The following SLC22A2 variants were observed in gnomAD, a reference collection of about 807,000 sequenced individuals.
SLC22A2 encodes the protein solute carrier family 22 member 2, also known as organic cation transporter 2.
SLC22A2 carries 46 observed loss-of-function variants against 60.5 expected under a neutral mutation model. The ratio of observed to expected loss-of-function variants is 0.76; its 90% CI spans 0.60 to 0.97. The LOEUF (loss-of-function observed/expected upper bound fraction) is 0.97. Among genes scored for constraint, SLC22A2 ranks in the 50% least tolerant of loss-of-function variants. The probability of loss-of-function intolerance (pLI) is 0.00; values close to 1 mark genes in which losing one functional copy is unlikely to be tolerated. For synonymous variants in SLC22A2, 303 were observed against 267.0 expected (o/e 1.13, Z -1.31); for missense variants, 701 against 706.6 (o/e 0.99, Z 0.09).
chr6:160,255,227 A>G (rs1038933201), intron 2 of SLC22A2, among the ~76,000 whole-genome samples: 2 of 152,182 alleles, frequency 1.3e-5, no homozygotes, highest in Non-Finnish European at 2.9e-5. Flanking sequence ...AGCTGAGGAG[A>G]CAATTAATAA....
intron 9 of SLC22A2, among the ~76,000 whole-genome samples, chr6:160,227,992 T>C (rs116312865): frequency 0.01 from 1,550 of 152,378 alleles, 32 homozygotes; most frequent in African/African-American, 0.036. Flanking sequence ...AACTCATTAA[T>C]AACCCACCTT....
chr6:160,229,054 T>A (rs1782775068), intron 9 of SLC22A2, among the ~76,000 whole-genome samples: 1 of 151,966 alleles, frequency 6.6e-6, no homozygotes, highest in African/African-American at 2.4e-5. Context: ...CAGTGAAATT[T>A]GGTTCCGTGA....
chr6:160,218,002 G>A (rs1044481467), intron 10 of SLC22A2: 8 of 159,714 alleles, frequency 5.0e-5, no homozygotes, highest in Non-Finnish European at 9.6e-5. Context: ...GATATTCATC[G>A]TAGAAATGCT....
At chr6:160,242,920 C>T (rs1244849079) in intron 7 of SLC22A2, among the ~76,000 whole-genome samples, 1 of 152,164 alleles carries the variant, frequency 6.6e-6, no homozygotes, top group Non-Finnish European at 1.5e-5. Flanking sequence ...CCTAAAAATC[C>T]TCTGTGTTCT....
At chr6:160,256,771 G>T in intron 1 of SLC22A2, 54 bp from the exon 2 acceptor site, 1 of 1,203,866 alleles carries the variant, frequency 8.3e-7, no homozygotes, top group Non-Finnish European at 1.2e-6. Context: ...ATGAAATCCT[G>T]TTAGAATCCT....
intron 10 of SLC22A2, among the ~76,000 whole-genome samples, chr6:160,223,672 C>G (rs1443822525): frequency 2.6e-5 from 4 of 152,132 alleles, no homozygotes; most frequent in Non-Finnish European, 5.9e-5. Flanking sequence ...ACGTAAACTT[C>G]TAGAGGTGTA....
At chr6:160,242,861 T>TAATG (rs1783033144) in intron 7 of SLC22A2, among the ~76,000 whole-genome samples, 1 of 152,200 alleles carries the variant, frequency 6.6e-6, no homozygotes, top group African/African-American at 2.4e-5. Flanking sequence ...GACAAATGCA[T>TAATG]AATGACCTGT....
At position 160,249,254 on chromosome 6, in the gene SLC22A2, T is replaced by C. The variant is rs746662130; in HGVS notation, c.804A>G (p.Thr268=). Residue 268 remains threonine (T), a synonymous_variant, in exon 4 of 11, where the codon ACA becomes ACG. Coordinates refer to ENST00000366953, the MANE Select transcript of SLC22A2 (RefSeq NM_003058.4). ...AGAAGAAGAAGTTGGGCAGAGAAAC[T>C]GTGAACTGCAACCACCTCCAGTGAG... ...ALPHWRWLQF[T]VSLPNFFFLL... is the part of the protein sequence containing the mutation. 6.2e-7 allele frequency: 1 copy of C among 1,610,640 alleles called. No individual in the cohort carries two copies. The highest frequency in any genetic ancestry group is 1.3e-5 in the African/African-American group (1 of 74,818).
At chr6:160,241,696 A>G (rs1783005691) in intron 8 of SLC22A2, 110 bp from the exon 9 acceptor site, 2 of 717,680 alleles carry the variant, frequency 2.8e-6, no homozygotes, top group South Asian at 3.4e-5. Flanking sequence ...TTCAAGAGCT[A>G]TAGTGTACAC....
At chr6:160,258,073 C>T (rs1274840875) in intron 1 of SLC22A2, 1 of 423,956 alleles carries the variant, frequency 2.4e-6, no homozygotes, top group Non-Finnish European at 4.2e-6. Context: ...TCCAGGAGTC[C>T]TAATATGCTT....
intron 10 of SLC22A2, among the ~76,000 whole-genome samples, chr6:160,223,885 A>G (rs1013442068): frequency 6.6e-6 from 1 of 151,948 alleles, no homozygotes; most frequent in Non-Finnish European, 1.5e-5. Flanking sequence ...ATACCACCAC[A>G]CCCAGATAAT....
At chr6:160,256,403 T>C (rs560951189) in intron 2 of SLC22A2, among the ~76,000 whole-genome samples, 9 of 152,320 alleles carry the variant, frequency 5.9e-5, no homozygotes, top group Admixed American at 3.9e-4. Flanking sequence ...AATATCTGTC[T>C]ATGACCCCAG....
intron 8 of SLC22A2, among the ~76,000 whole-genome samples, chr6:160,241,943 A>G (rs1482124455): frequency 1.3e-5 from 2 of 151,578 alleles, no homozygotes; most frequent in Admixed American, 6.6e-5. Context: ...TAAACCTTAA[A>G]TTTTTTTTTA....
intron 4 of SLC22A2, 48 bp from the exon 5 acceptor site, chr6:160,247,346 C>A (rs760230606): frequency 1.1e-6 from 1 of 935,028 alleles, no homozygotes; most frequent in African/African-American, 1.6e-5. Flanking sequence ...ATCCTCCTTA[C>A]CCCATCCCCC....
At chr6:160,256,024 G>A (rs1783266451) in intron 2 of SLC22A2, among the ~76,000 whole-genome samples, 1 of 152,048 alleles carries the variant, frequency 6.6e-6, no homozygotes, top group Non-Finnish European at 1.5e-5. Context: ...ATCTCTCCAG[G>A]GACAATGATA....
At chr6:160,222,125 C>T (rs1782653778) in intron 10 of SLC22A2, among the ~76,000 whole-genome samples, 1 of 152,134 alleles carries the variant, frequency 6.6e-6, no homozygotes, top group African/African-American at 2.4e-5. Context: ...CCTCATTTTA[C>T]AGAAAGGAAA....
chr6:160,258,602 C>T lies in SLC22A2; in HGVS notation c.156G>A (p.Arg52=). 6.2e-7 allele frequency: 1 copy of T among 1,613,988 alleles called. No homozygotes were observed. The highest frequency in any genetic ancestry group is 8.5e-7 in the Non-Finnish European group (1 of 1,179,946). ...GACTCAGCTCGGCCACTCCGGGGCT[C>T]CGGCAGCGGTGGTCAGGGGTGAAGC... ...FLGFTPDHRC[R]SPGVAELSLR... is the part of the protein sequence containing the mutation. Residue 52 remains arginine (R), a synonymous_variant, in exon 1 of 11, where the codon CGG becomes CGA. Coordinates refer to ENST00000366953, the MANE Select transcript of SLC22A2 (RefSeq NM_003058.4).
At chr6:160,233,468 G>A (rs1015129679) in intron 9 of SLC22A2, among the ~76,000 whole-genome samples, 1 of 151,632 alleles carries the variant, frequency 6.6e-6, no homozygotes, top group African/African-American at 2.4e-5. Context: ...CACACCTCAC[G>A]AAGCTCAGCC....
intron 2 of SLC22A2, among the ~76,000 whole-genome samples, chr6:160,253,721 G>A (rs574237313): frequency 6.6e-6 from 1 of 152,230 alleles, no homozygotes; most frequent in South Asian, 2.1e-4. Flanking sequence ...AGTGTAATAT[G>A]CAAAACATCA....
Sources: allele counts gnomAD v4.1 joint callset (sites outside exome capture counted in the v4.1 genomes callset), GRCh38; gene constraint gnomAD v4.1.1; transcripts MANE v1.5; gene names NCBI Gene and HGNC (gene_info 2026-07-23, HGNC 2026-07-21).